Variants in SEMA3A observed in about 807,000 individuals in gnomAD.
SEMA3A encodes semaphorin-3A.
In SEMA3A, 29 loss-of-function variants were observed where a neutral mutation model predicts 97.9. The observed-to-expected ratio is 0.30, with a 90% confidence interval of 0.22 to 0.40. SEMA3A has a LOEUF of 0.40. Among genes scored for constraint, SEMA3A ranks in the 10% least tolerant of loss-of-function variants. The pLI is 1.00. For synonymous variants in SEMA3A, 321 were observed against 323.7 expected, an observed-to-expected ratio of 0.99 and a Z score of 0.09; for missense variants, 763 against 951.3, an observed-to-expected ratio of 0.80 and a Z score of 2.60.
chr7:84,482,337 C>A (rs564826309), intron 1 of SEMA3A, among the ~76,000 whole-genome samples: 2 of 151,896 alleles, frequency 1.3e-5, no homozygotes, highest in African/African-American at 4.8e-5. Flanking sequence ...TATTGTATAC[C>A]GAATATCTAT....
intron 1 of SEMA3A, among the ~76,000 whole-genome samples, chr7:84,450,868 C>A (rs1805537187): frequency 6.6e-6 from 1 of 152,126 alleles, no homozygotes; most frequent in Non-Finnish European, 1.5e-5. Flanking sequence ...TTGTTTACTG[C>A]TACTGAGTTG....
chr7:84,412,944 ACACT>A (rs1319856547), intron 1 of SEMA3A, among the ~76,000 whole-genome samples: 1 of 152,124 alleles, frequency 6.6e-6, no homozygotes, highest in Non-Finnish European at 1.5e-5. Context: ...ACATACACAC[ACACT>A]CACACACACA....
At chr7:84,140,024 C>T (rs1796252478) in intron 1 of SEMA3A, among the ~76,000 whole-genome samples, 1 of 151,924 alleles carries the variant, frequency 6.6e-6, no homozygotes, top group African/African-American at 2.4e-5. Context: ...AAATTGATAG[C>T]AATCACCATC....
intron 4 of SEMA3A, among the ~76,000 whole-genome samples, chr7:84,093,171 C>T (rs3801618): frequency 6.6e-6 from 1 of 151,498 alleles, no homozygotes; most frequent in Non-Finnish European, 1.5e-5. Context: ...CACCATGTAA[C>T]TTTTTGCACA....
At chr7:84,009,802 T>G (rs1790804489) in intron 9 of SEMA3A, among the ~76,000 whole-genome samples, 1 of 141,360 alleles carries the variant, frequency 7.1e-6, no homozygotes. Flanking sequence ...AGAGAGGAAG[T>G]AGAAGGGGAA....
chr7:84,177,532 A>G (rs1165767335), intron 1 of SEMA3A, among the ~76,000 whole-genome samples: 1 of 152,124 alleles, frequency 6.6e-6, no homozygotes, highest in African/African-American at 2.4e-5. Context: ...AGTAATAATG[A>G]TAAATTGTTT....
chr7:84,252,752 T>C (rs927031084), intron 3 of SEMA3A, among the ~76,000 whole-genome samples: 17 of 152,366 alleles, frequency 1.1e-4, no homozygotes, highest in African/African-American at 4.1e-4. Context: ...ACAGAAATTG[T>C]ATATATAAAA....
chr7:84,031,181 CA>C (rs1268834254), intron 6 of SEMA3A, among the ~76,000 whole-genome samples: 2 of 151,578 alleles, frequency 1.3e-5, no homozygotes, highest in East Asian at 3.9e-4. Flanking sequence ...CTAGTAGAGA[CA>C]GGGTTTCACC....
chr7:83,995,177 G>A (rs910229709), intron 12 of SEMA3A, among the ~76,000 whole-genome samples: 3 of 152,014 alleles, frequency 2.0e-5, no homozygotes, highest in Non-Finnish European at 4.4e-5. Context: ...GCTTCGGCTC[G>A]CGCACGGTGC....
At chr7:84,380,813 C>T (rs1398800595) in intron 1 of SEMA3A, among the ~76,000 whole-genome samples, 1 of 152,162 alleles carries the variant, frequency 6.6e-6, no homozygotes, top group Admixed American at 6.5e-5. Flanking sequence ...CACAAAAACC[C>T]TTAACTTTCA....
intron 2 of SEMA3A, among the ~76,000 whole-genome samples, chr7:84,131,666 C>A (rs532695149): frequency 6.6e-6 from 1 of 152,254 alleles, no homozygotes; most frequent in South Asian, 2.1e-4. Flanking sequence ...CCATAAATCT[C>A]CTGTAGTGTT....
At chr7:84,490,996 G>T (rs1020953304) in intron 1 of SEMA3A, among the ~76,000 whole-genome samples, 1 of 152,040 alleles carries the variant, frequency 6.6e-6, no homozygotes, top group Admixed American at 6.6e-5. Flanking sequence ...GTGAAACTCC[G>T]TTTACTCCAC....
intron 2 of SEMA3A, among the ~76,000 whole-genome samples, chr7:84,359,365 T>C (rs1340203584): frequency 2.0e-5 from 3 of 152,104 alleles, no homozygotes; most frequent in Non-Finnish European, 4.4e-5. Context: ...TTGAATTTTG[T>C]CAAAGGCCTT....
At chr7:84,195,422 C>CGTGTGTGT (rs34874027), upstream of SEMA3A, 12 of 147,888 alleles carry the variant, frequency 8.1e-5, no homozygotes, top group East Asian at 4.0e-4. Flanking sequence ...TGTATGTGTG[C>CGTGTGTGT]GTGTGTGTGT....
At chr7:84,374,206 T>C (rs1562924291) in intron 1 of SEMA3A, among the ~76,000 whole-genome samples, 1 of 152,192 alleles carries the variant, frequency 6.6e-6, no homozygotes. Context: ...ACAGTATGTA[T>C]CAAAAATGTG....
At chr7:84,095,358 C>CACACACATATAT (rs1211794166) in intron 4 of SEMA3A, among the ~76,000 whole-genome samples, 3 of 122,898 alleles carry the variant, frequency 2.4e-5, no homozygotes, top group African/African-American at 1.0e-4. Flanking sequence ...TTTTTATATA[C>CACACACATATAT]ATATATATAT....
At chr7:84,179,474 C>T (rs1425859010) in intron 1 of SEMA3A, among the ~76,000 whole-genome samples, 2 of 152,122 alleles carry the variant, frequency 1.3e-5, no homozygotes, top group African/African-American at 4.8e-5. Context: ...ATGTTCTCTA[C>T]CTGTAAAACA....
intron 3 of SEMA3A, among the ~76,000 whole-genome samples, chr7:84,232,581 T>A (rs982070952): frequency 6.6e-6 from 1 of 151,874 alleles, no homozygotes; most frequent in Admixed American, 6.6e-5. Context: ...CTTTTGGTTT[T>A]AATTATATTT....
At chr7:84,030,074 GAAGT>G (rs1791687370) in intron 6 of SEMA3A, among the ~76,000 whole-genome samples, 1 of 152,072 alleles carries the variant, frequency 6.6e-6, no homozygotes, top group Non-Finnish European at 1.5e-5. Context: ...TCATGTTCAA[GAAGT>G]AATTAAAACA....
Sources: gnomAD v4.1 joint callset for allele counts (sites outside exome capture counted in the v4.1 genomes callset) on GRCh38, gnomAD v4.1.1 for gene constraint, MANE v1.5 for transcripts, NCBI Gene and HGNC (gene_info 2026-07-23, HGNC 2026-07-21) for gene names.